SAMMSON: variants seen among roughly 807,000 people sequenced by gnomAD.
SAMMSON encodes the protein long intergenic non-protein coding RNA 1212.
intron 4 of SAMMSON, among the ~76,000 whole-genome samples, chr3:70,181,711 G>A (rs1364639560): frequency 2.6e-5 from 4 of 152,164 alleles, no homozygotes; most frequent in Non-Finnish European, 5.9e-5. Flanking sequence ...CAAGATTCCA[G>A]GGTAATTTCA....
At chr3:70,010,165 C>A (rs1434749129) in intron 1 of SAMMSON, among the ~76,000 whole-genome samples, 10 of 151,962 alleles carry the variant, frequency 6.6e-5, no homozygotes, top group Non-Finnish European at 1.3e-4. Flanking sequence ...CTGCTTGGTG[C>A]AGAGCTGAGT....
chr3:70,011,604 CTT>C (rs78695967), intron 1 of SAMMSON, among the ~76,000 whole-genome samples: 43 of 134,636 alleles, frequency 3.2e-4, no homozygotes, highest in Middle Eastern at 3.6e-3. Flanking sequence ...GAAGAGTTTA[CTT>C]TTTTTTTTTT....
rs186380981 is a variant in SAMMSON at position 70,230,231 on chromosome 3, T to C, written n.508-18876T>C. On this transcript the variant is annotated intron_variant and non_coding_transcript_variant, in intron 4 of 9. Transcript: ENST00000642114. ...AGATACCATAATTTACATTGGACAG[T>C]GAATGCCCTTTTAAGAAAGTAAACA... Among the ~76,000 whole-genome samples, 15 of 152,318 alleles carry C rather than the reference T, an allele frequency of 9.8e-5. No individual in the cohort carries two copies. The East Asian group carries it at 2.7e-3, about 27-fold the overall frequency.
exon 3 of SAMMSON, chr3:70,013,607 C>G (rs1333892156): frequency 1.3e-5 from 2 of 152,060 alleles, no homozygotes; most frequent in African/African-American, 4.8e-5. Context: ...CAGCAGTGAG[C>G]GAGGGGTGAG....
At chr3:70,425,577 AT>A (rs72059563) in intron 2 of SAMMSON, among the ~76,000 whole-genome samples, 1 of 150,126 alleles carries the variant, frequency 6.7e-6, no homozygotes, top group African/African-American at 2.5e-5. Context: ...ACGCCCAGCT[AT>A]TTTTTTTCTT....
chr3:70,140,542 T>C (rs548818936), intron 4 of SAMMSON: 1 of 154,606 alleles, frequency 6.5e-6, no homozygotes, highest in African/African-American at 2.4e-5. Flanking sequence ...GGATCTTTCC[T>C]TATGGTTTTG....
At chr3:70,298,332 A>G (rs1559557529) in intron 7 of SAMMSON, among the ~76,000 whole-genome samples, 1 of 152,120 alleles carries the variant, frequency 6.6e-6, no homozygotes, top group African/African-American at 2.4e-5. Flanking sequence ...AGCAAACAAA[A>G]TAAGATTTCC....
At chr3:70,068,781 A>G (rs2067219267) in intron 3 of SAMMSON, 1 of 152,088 alleles carries the variant, frequency 6.6e-6, no homozygotes, top group African/African-American at 2.4e-5. Context: ...AGTACTTCTG[A>G]CAGAAAACCA....
At chr3:70,034,655 C>T (rs1051148981) in intron 3 of SAMMSON, among the ~76,000 whole-genome samples, 2 of 152,048 alleles carry the variant, frequency 1.3e-5, no homozygotes, top group African/African-American at 4.8e-5. Flanking sequence ...ACCAGCCTGG[C>T]CAACATGGTG....
chr3:70,335,585 T>G (rs1447298412), intron 7 of SAMMSON, among the ~76,000 whole-genome samples: 1 of 152,000 alleles, frequency 6.6e-6, no homozygotes, highest in Non-Finnish European at 1.5e-5. Context: ...TTTGCCACTG[T>G]GGGATTGTCC....
At chr3:70,022,278 TG>T (rs985834124) in intron 3 of SAMMSON, among the ~76,000 whole-genome samples, 2 of 24,288 alleles carry the variant, frequency 8.2e-5, no homozygotes, top group Admixed American at 5.2e-4. Flanking sequence ...TGTTGCCGGG[TG>T]GGGGGAGGGA....
chr3:70,164,809 C>T (rs767193261), intron 4 of SAMMSON, among the ~76,000 whole-genome samples: 5 of 152,096 alleles, frequency 3.3e-5, no homozygotes, highest in African/African-American at 9.6e-5. Context: ...AAGCAAACTC[C>T]GTGTACATTT....
At chr3:70,071,659 A>G (rs1332144595) in intron 4 of SAMMSON, 3 of 152,056 alleles carry the variant, frequency 2.0e-5, no homozygotes, top group African/African-American at 4.8e-5. Context: ...ATTCCTAATT[A>G]GCAGTTAGAT....
At chr3:70,318,192 T>C (rs1702508502) in intron 7 of SAMMSON, among the ~76,000 whole-genome samples, 1 of 152,026 alleles carries the variant, frequency 6.6e-6, no homozygotes. Flanking sequence ...CATCATTTTT[T>C]CAGATATTGT....
At chr3:70,076,526 A>G (rs1012057706) in intron 4 of SAMMSON, among the ~76,000 whole-genome samples, 6 of 152,160 alleles carry the variant, frequency 3.9e-5, no homozygotes, top group African/African-American at 7.2e-5. Flanking sequence ...TATGCATAAA[A>G]AAGGGATGCA....
chr3:70,375,312 C>T (rs747589368), intron 9 of SAMMSON, among the ~76,000 whole-genome samples: 5 of 151,734 alleles, frequency 3.3e-5, no homozygotes, highest in Non-Finnish European at 7.4e-5. Context: ...GTTTTTCAAA[C>T]GCTCAATAGT....
At chr3:70,389,573 GGGTGTTGTC>G (rs1348317328) in exon 10 of SAMMSON, 1 of 152,102 alleles carries the variant, frequency 6.6e-6, no homozygotes, top group African/African-American at 2.4e-5. Flanking sequence ...TTTACTCACA[GGGTGTTGTC>G]TATTTGCCCT....
At chr3:70,204,887 A>G (rs1010051672) in intron 4 of SAMMSON, 4 of 152,082 alleles carry the variant, frequency 2.6e-5, no homozygotes, top group African/African-American at 9.7e-5. Flanking sequence ...AACTTAATTC[A>G]ATTATTCACA....
At chr3:70,058,273 A>G (rs2067175103) in intron 3 of SAMMSON, among the ~76,000 whole-genome samples, 1 of 151,956 alleles carries the variant, frequency 6.6e-6, no homozygotes, top group African/African-American at 2.4e-5. Flanking sequence ...ATGAATTAGA[A>G]TGGGCACTGA....
Sources: allele counts gnomAD v4.1 joint callset (sites outside exome capture counted in the v4.1 genomes callset), GRCh38; gene constraint gnomAD v4.1.1; transcripts MANE v1.5; gene names NCBI Gene and HGNC (gene_info 2026-07-23, HGNC 2026-07-21).